The following YJU2B variants were observed in gnomAD, a reference collection of about 807,000 sequenced individuals.
YJU2B encodes probable splicing factor YJU2B.
A neutral mutation model predicts 38.0 loss-of-function variants in YJU2B; 18 were observed. The ratio of observed to expected loss-of-function variants is 0.47; its 90% confidence interval spans 0.33 to 0.70. YJU2B has a LOEUF of 0.70. YJU2B is among the 30% of genes least tolerant of loss of function. The pLI is 0.02. For missense variants in YJU2B, 538 were observed against 556.3 expected, an observed-to-expected ratio of 0.97 and a Z score of 0.33; for synonymous variants, 246 against 225.4, an observed-to-expected ratio of 1.09 and a Z score of -0.82.
chr19:13,756,825 A>T (rs1159243874), intron 4 of YJU2B, among the ~76,000 whole-genome samples: 2 of 151,840 alleles, frequency 1.3e-5, no homozygotes, highest in East Asian at 1.9e-4. Context: ...AAATAGAAAA[A>T]ATTAGGCTGG....
intron 2 of YJU2B, among the ~76,000 whole-genome samples, chr19:13,741,395 G>A (rs570257998): frequency 9.3e-5 from 14 of 151,020 alleles, no homozygotes; most frequent in Admixed American, 7.9e-4. Context: ...CCTCATGATC[G>A]GCCCACCTCA....
chr19:13,759,032 GC>G, intron 7 of YJU2B, 22 bp downstream of exon 7: 1 of 1,612,122 alleles, frequency 6.2e-7, no homozygotes, highest in Non-Finnish European at 8.5e-7. Context: ...CCACTTACCT[GC>G]CTGGGGGCCC....
At chr19:13,745,414 G>A (rs1231547855), upstream of YJU2B, among the ~76,000 whole-genome samples, 1 of 152,034 alleles carries the variant, frequency 6.6e-6, no homozygotes, top group African/African-American at 2.4e-5. Flanking sequence ...TGTAATCCCA[G>A]CACTTTGGGA....
At chr19:13,744,419 T>C (rs182545937), upstream of YJU2B, among the ~76,000 whole-genome samples, 2 of 152,260 alleles carry the variant, frequency 1.3e-5, no homozygotes, top group African/African-American at 4.8e-5. Context: ...CAGGGACATA[T>C]GTTAAGATGT....
chr19:13,743,036 C>T (rs1216323710), upstream of YJU2B, among the ~76,000 whole-genome samples: 1 of 152,192 alleles, frequency 6.6e-6, no homozygotes. Flanking sequence ...GATACCCACA[C>T]TAAGGTCTTT....
rs10425445 is a variant in YJU2B at position 13,758,943 on chromosome 19, C to T, written c.333C>T (p.Ile111=). The T allele has an allele frequency of 7.1e-3, 11,451 of 1,614,030 alleles. 711 individuals are homozygous for T. The African/African-American group carries it at 0.13, about 19-fold the overall frequency. ...QTDPANCDYV[I]VSGAQRKEER... is the part of the protein sequence containing the mutation. The stretch of plus-strand genomic sequence containing the variant: ...ACCCCGCCAACTGCGACTACGTGAT[C>T]GTGAGTGGCGCCCAGCGCAAGGAGG... Residue 111 remains isoleucine (I), a synonymous_variant, in exon 7 of 10, where the codon ATC becomes ATT. Coordinates refer to ENST00000221554, the MANE Select transcript of YJU2B (RefSeq NM_030818.4).
upstream of YJU2B, among the ~76,000 whole-genome samples, chr19:13,743,014 A>G (rs977725397): frequency 2.0e-5 from 3 of 152,208 alleles, no homozygotes; most frequent in Non-Finnish European, 4.4e-5. Flanking sequence ...CTTACCCAGC[A>G]CAGTAAAACC....
At chr19:13,739,293 A>G (rs144332864) in intron 2 of YJU2B, among the ~76,000 whole-genome samples, 2 of 152,134 alleles carry the variant, frequency 1.3e-5, no homozygotes, top group Non-Finnish European at 2.9e-5. Flanking sequence ...CTACAGGTAC[A>G]TGCCACCACA....
chr19:13,749,353 T>G (rs1364187759), intron 1 of YJU2B, among the ~76,000 whole-genome samples: 1 of 152,146 alleles, frequency 6.6e-6, no homozygotes, highest in African/African-American at 2.4e-5. Flanking sequence ...ATCAAAAGAA[T>G]AATACTTTGT....
upstream of YJU2B, among the ~76,000 whole-genome samples, chr19:13,747,274 AT>A (rs1478358359): frequency 6.6e-6 from 1 of 152,272 alleles, no homozygotes; most frequent in South Asian, 2.1e-4. Context: ...TTCCAATGAA[AT>A]TTTATTTACG....
intron 2 of YJU2B, chr19:13,732,751 G>C (rs549940426): frequency 6.6e-6 from 1 of 150,400 alleles, no homozygotes; most frequent in Non-Finnish European, 1.5e-5. Context: ...TGGGACTACA[G>C]GCATGCACCA....
At chr19:13,754,691 A>T (rs1252293359) in intron 3 of YJU2B, among the ~76,000 whole-genome samples, 1 of 151,976 alleles carries the variant, frequency 6.6e-6, no homozygotes, top group South Asian at 2.1e-4. Flanking sequence ...CCATTTCACC[A>T]TACTCTCACT....
intron 2 of YJU2B, 23 bp from the exon 3 acceptor site, chr19:13,754,266 C>A (rs1307097592): frequency 1.9e-6 from 3 of 1,602,190 alleles, no homozygotes; most frequent in Admixed American, 3.3e-5. Flanking sequence ...CTCTCTGAGT[C>A]ATGTCTCTGT....
chr19:13,751,739 T>A lies in YJU2B; in HGVS notation c.-70T>A. 1 of 1,561,984 alleles carries A rather than the reference T, an allele frequency of 6.4e-7. No homozygotes were observed. Among genetic ancestry groups the A allele is most frequent in the Non-Finnish European group, 8.8e-7 (1 of 1,132,752 alleles). ...CAGGCTCCACAAGAGGTCAGGACAG[T>A]GCAGTGTGTTCACAAGGCCAGTTTC... is the stretch of plus-strand genomic sequence containing the variant. On this transcript the variant is annotated 5_prime_UTR_variant, in exon 2 of 10. Transcript: ENST00000221554.
rs1428371742 is a variant in YJU2B at position 13,756,253 on chromosome 19, G to T, written c.114G>T (p.Lys38Asn). Residue 38 changes from lysine (K) to asparagine (N), a missense_variant, in exon 4 of 10, where the codon AAG (lysine) becomes AAT (asparagine). Coordinates refer to ENST00000221554, the MANE Select transcript of YJU2B (RefSeq NM_030818.4). ...NSHPLRERAR[K>N]LSQGILIIRF... is the part of the protein sequence containing the mutation. ...ACCCGCTTCGGGAGCGGGCTCGGAA[G>T]CTGTCACAGGGCATCCTCATCATCC... 1 of 1,613,998 alleles carries T rather than the reference G, an allele frequency of 6.2e-7. No homozygotes were observed. The highest frequency in any genetic ancestry group is 8.5e-7 in the Non-Finnish European group (1 of 1,180,028).
intron 1 of YJU2B, among the ~76,000 whole-genome samples, chr19:13,749,370 AC>A (rs1973369119): frequency 6.6e-6 from 1 of 152,152 alleles, no homozygotes; most frequent in Non-Finnish European, 1.5e-5. Context: ...TTGTGACATG[AC>A]GATTATGTGA....
At chr19:13,747,994 T>G (rs879126731) in intron 1 of YJU2B, 40 bp downstream of exon 1, 1 of 151,462 alleles carries the variant, frequency 6.6e-6, no homozygotes, top group Non-Finnish European at 1.5e-5. Flanking sequence ...GGGCCGGGGG[T>G]CCGGCAGCCG....
At chr19:13,754,839 C>T (rs537522146) in intron 3 of YJU2B, among the ~76,000 whole-genome samples, 10 of 152,224 alleles carry the variant, frequency 6.6e-5, no homozygotes, top group East Asian at 5.8e-4. Flanking sequence ...CCATCTCCCC[C>T]GCTAGAACAT....
chr19:13,753,984 A>T (rs1229010733), intron 2 of YJU2B, among the ~76,000 whole-genome samples: 1 of 152,022 alleles, frequency 6.6e-6, no homozygotes, highest in East Asian at 1.9e-4. Flanking sequence ...CAGCCTGGCC[A>T]ACATGGTGAA....
Sources: gnomAD v4.1 joint callset for allele counts (sites outside exome capture counted in the v4.1 genomes callset) on GRCh38, gnomAD v4.1.1 for gene constraint, MANE v1.5 for transcripts, NCBI Gene and HGNC (gene_info 2026-07-23, HGNC 2026-07-21) for gene names.